The following KRAS variants were observed in gnomAD, a reference collection of about 807,000 sequenced individuals.
KRAS encodes the protein GTPase KRas.
In KRAS, 1 loss-of-function variant was observed where a neutral mutation model predicts 21.0. That is an observed-to-expected ratio of 0.05 (90% CI 0.02 to 0.23). The LOEUF (loss-of-function observed/expected upper bound fraction) is 0.23, where lower values mean the gene tolerates loss of function less well. Ranked by LOEUF, KRAS falls within the 10% of genes least tolerant of loss-of-function variation. The pLI, the probability that KRAS is intolerant of heterozygous loss-of-function variation, is 1.00. For synonymous variants in KRAS, 67 were observed against 72.5 expected (o/e 0.92, Z 0.39); for missense variants, 107 against 221.8 (o/e 0.48, Z 3.29).
At chr12:25,232,953 G>C (rs1210468913) in intron 2 of KRAS, among the ~76,000 whole-genome samples, 1 of 152,100 alleles carries the variant, frequency 6.6e-6, no homozygotes, top group Non-Finnish European at 1.5e-5. Context: ...GGGAAATTAT[G>C]CTAAGAAAAT....
At position 25,209,828 on chromosome 12, in the gene KRAS, T is replaced by C. The variant is rs751233524; in HGVS notation, c.534A>G (p.Lys178=). 2 of 1,610,648 alleles carry C rather than the reference T, an allele frequency of 1.2e-6. No individual in the cohort carries two copies. The highest frequency in any genetic ancestry group is 2.2e-5 in the East Asian group (1 of 44,730). Residue 178 remains lysine (K), a synonymous_variant, in exon 5 of 5, where the codon AAA becomes AAG. Coordinates refer to ENST00000311936, the MANE Select transcript of KRAS (RefSeq NM_004985.5). ...TTACACACTTTGTCTTTGACTTCTTTTTCTTCTTTTTACCATCTTTGCTCA... is the reference window on the plus strand; with the variant it reads ...TTACACACTTTGTCTTTGACTTCTTCTTCTTCTTTTTACCATCTTTGCTCA... The part of the protein sequence containing the change: ...EKMSKDGKKK[K]KKSKTKCVIM
chr12:25,245,737 T>C (rs894179927), intron 1 of KRAS, among the ~76,000 whole-genome samples: 2 of 152,172 alleles, frequency 1.3e-5, no homozygotes, highest in African/African-American at 4.8e-5. Flanking sequence ...ATATCATGAC[T>C]TCACTCATGT....
intron 2 of KRAS, among the ~76,000 whole-genome samples, chr12:25,233,008 T>G (rs1465638387): frequency 1.3e-5 from 2 of 152,202 alleles, no homozygotes; most frequent in African/African-American, 4.8e-5. Context: ...ATTCTTAACA[T>G]GGCATCCTAA....
Position 25,206,490 on chromosome 12 carries a change from A to T in KRAS, c.*3305T>A, listed in dbSNP as rs772522692. ...CCCCTTTAAAATCTCTACAAAAACA[A>T]ATCTTTTGTTAAACCATTCAAAGTT... is the stretch of plus-strand genomic sequence containing the variant. On this transcript the variant is annotated 3_prime_UTR_variant, in exon 5 of 5. Coordinates refer to ENST00000311936, the MANE Select transcript of KRAS (RefSeq NM_004985.5). 1.5e-5 allele frequency: 3 copies of T among 203,952 alleles called. No homozygotes were observed. The highest frequency in any genetic ancestry group is 3.0e-5 in the Non-Finnish European group (3 of 99,900). The allele number at this position is 203,952 out of a possible 1,614,324, so 12.6% of individuals were successfully genotyped here. A position where few individuals can be genotyped will look rare whatever the true frequency, so the allele number is the denominator to read the frequency against.
chr12:25,231,397 C>G (rs1724221578), intron 2 of KRAS, among the ~76,000 whole-genome samples: 1 of 152,164 alleles, frequency 6.6e-6, no homozygotes. Context: ...ACCTCACATT[C>G]TTTACTTACC....
intron 2 of KRAS, chr12:25,235,174 T>C (rs1453404301): frequency 2.0e-6 from 1 of 504,180 alleles, no homozygotes; most frequent in East Asian, 3.1e-5. Context: ...AATTGTATGT[T>C]TTCTTAATGT....
chr12:25,247,864 T>C (rs1004531509), intron 1 of KRAS, among the ~76,000 whole-genome samples: 2 of 152,246 alleles, frequency 1.3e-5, no homozygotes. Flanking sequence ...TTCTAAGTTT[T>C]GGTTTTGTTT....
intron 2 of KRAS, among the ~76,000 whole-genome samples, chr12:25,239,287 GT>G (rs1240041754): frequency 6.6e-6 from 1 of 151,800 alleles, no homozygotes; most frequent in Non-Finnish European, 1.5e-5. Context: ...GAACCAAATG[GT>G]TTTTCTAGGT....
At chr12:25,249,950 T>C (rs1175796425) in intron 1 of KRAS, among the ~76,000 whole-genome samples, 2 of 152,182 alleles carry the variant, frequency 1.3e-5, no homozygotes, top group Non-Finnish European at 2.9e-5. Context: ...GGATTAACTT[T>C]TTCCTTTTCA....
intron 4 of KRAS, among the ~76,000 whole-genome samples, chr12:25,210,206 A>AT (rs1232026825): frequency 6.6e-6 from 1 of 152,086 alleles, no homozygotes; most frequent in Admixed American, 6.6e-5. Context: ...ATTTGCTACT[A>AT]TTTTTTCCAC....
At chr12:25,227,059 T>A (rs1287862142) in intron 3 of KRAS, among the ~76,000 whole-genome samples, 175 bp downstream of exon 3, 2 of 152,188 alleles carry the variant, frequency 1.3e-5, no homozygotes, top group Non-Finnish European at 2.9e-5. Context: ...AGCAAGTTAC[T>A]CCACTGCTCT....
At chr12:25,237,204 G>T (rs1005329747) in intron 2 of KRAS, among the ~76,000 whole-genome samples, 1 of 152,184 alleles carries the variant, frequency 6.6e-6, no homozygotes, top group African/African-American at 2.4e-5. Context: ...AATCCACAGA[G>T]ATGGAAAAAT....
chr12:25,242,287 ATACT>A (rs1161091263), intron 2 of KRAS, among the ~76,000 whole-genome samples: 3 of 152,196 alleles, frequency 2.0e-5, no homozygotes, highest in Admixed American at 6.5e-5. Context: ...TATACAGTAG[ATACT>A]TAATATATAT....
intron 2 of KRAS, among the ~76,000 whole-genome samples, chr12:25,237,896 C>G (rs1275316828): frequency 6.6e-6 from 1 of 152,090 alleles, no homozygotes; most frequent in East Asian, 1.9e-4. Context: ...CACTGGGCAC[C>G]TACAGTTGAA....
intron 1 of KRAS, among the ~76,000 whole-genome samples, chr12:25,246,521 G>A (rs1167453215): frequency 1.3e-5 from 2 of 152,120 alleles, no homozygotes; most frequent in East Asian, 3.9e-4. Flanking sequence ...TCACGCCACT[G>A]CACTCCAGAT....
In KRAS at chr12:25,225,601, C is replaced by T. The variant is rs1057523949; in HGVS notation, c.450+13G>A. On this transcript the variant is annotated intron_variant, in intron 4 of 4. Coordinates refer to ENST00000311936, the MANE Select transcript of KRAS (RefSeq NM_004985.5). Reference sequence around the variant, plus strand: ...GCAGAAAACAGATCTGTATTTATTTCAGTGTTACTTACCTGTCTTGTCTTT... The same window carrying T: ...GCAGAAAACAGATCTGTATTTATTTTAGTGTTACTTACCTGTCTTGTCTTT... 2 of 1,611,464 alleles carry T rather than the reference C, an allele frequency of 1.2e-6. No homozygotes were observed. Among genetic ancestry groups the T allele is most frequent in the Non-Finnish European group, 1.7e-6 (2 of 1,178,590 alleles).
intron 4 of KRAS, among the ~76,000 whole-genome samples, chr12:25,216,073 A>C (rs2141490094): frequency 6.6e-6 from 1 of 152,318 alleles, no homozygotes; most frequent in South Asian, 2.1e-4. Flanking sequence ...GAGTCAAGAA[A>C]CTGGAACCTT....
chr12:25,250,848 G>T lies in KRAS; in HGVS notation c.-109C>A. Reference sequence around the variant, plus strand: ...CCCAGTCCGAAATGGCGGGGGCCGGGAGTACTGGCCGAGCCGCCGCCACCT... The same window carrying T: ...CCCAGTCCGAAATGGCGGGGGCCGGTAGTACTGGCCGAGCCGCCGCCACCT... On this transcript the variant is annotated 5_prime_UTR_variant, in exon 1 of 5. Coordinates refer to ENST00000311936, the MANE Select transcript of KRAS (RefSeq NM_004985.5). The T allele has an allele frequency of 4.2e-6, 1 of 238,866 alleles. No individual in the cohort carries two copies. Among genetic ancestry groups the T allele is most frequent in the Admixed American group, 5.8e-5 (1 of 17,096 alleles). 14.8% of individuals were successfully genotyped at this position (238,866 alleles called of 1,614,324 possible).
At chr12:25,219,363 GACA>G (rs1951293027) in intron 4 of KRAS, among the ~76,000 whole-genome samples, 2 of 152,166 alleles carry the variant, frequency 1.3e-5, no homozygotes, top group Non-Finnish European at 2.9e-5. Flanking sequence ...TCAAGAGATT[GACA>G]ACATTTTCAA....
Sources: gnomAD v4.1 joint callset for allele counts (sites outside exome capture counted in the v4.1 genomes callset) on GRCh38, gnomAD v4.1.1 for gene constraint, MANE v1.5 for transcripts, NCBI Gene and HGNC (gene_info 2026-07-23, HGNC 2026-07-21) for gene names.